Variants in IQCM observed in about 807,000 individuals in gnomAD.
The protein encoded by IQCM is IQ motif containing M.
Under a neutral mutation model 57.6 loss-of-function variants are expected in IQCM, and 45 were observed. The ratio of observed to expected loss-of-function variants is 0.78; its 90% CI spans 0.62 to 1.00. The LOEUF (loss-of-function observed/expected upper bound fraction) is 1.00, where lower values mean the gene tolerates loss of function less well. Ranked by LOEUF, IQCM falls within the 50% of genes least tolerant of loss-of-function variation. IQCM has a pLI of 0.00. For missense variants in IQCM, 468 were observed against 511.6 expected (o/e 0.91, Z 0.82); for synonymous variants, 148 against 158.9 (o/e 0.93, Z 0.51).
chr4:149,803,684 T>A (rs1181427660), intron 2 of IQCM, among the ~76,000 whole-genome samples: 1 of 152,024 alleles, frequency 6.6e-6, no homozygotes, highest in African/African-American at 2.4e-5. Context: ...TGGAGTTTTA[T>A]GTTTATCTGG....
At chr4:149,431,966 C>T (rs1048705580) in intron 13 of IQCM, among the ~76,000 whole-genome samples, 11 of 149,420 alleles carry the variant, frequency 7.4e-5, no homozygotes, top group South Asian at 6.3e-4. Context: ...TGTGTGTGTA[C>T]GTATATATGT....
intron 7 of IQCM, among the ~76,000 whole-genome samples, chr4:149,679,271 A>G (rs1341464784): frequency 6.6e-6 from 1 of 151,708 alleles, no homozygotes; most frequent in South Asian, 2.1e-4. Context: ...AAGTAAGCCA[A>G]GCACAGAAAG....
chr4:149,777,445 G>A (rs1253164072), intron 2 of IQCM, among the ~76,000 whole-genome samples: 1 of 152,016 alleles, frequency 6.6e-6, no homozygotes, highest in Non-Finnish European at 1.5e-5. Context: ...CTTTTATAAT[G>A]GATTTCTAAA....
intron 12 of IQCM, among the ~76,000 whole-genome samples, chr4:149,483,774 C>A (rs1243126288): frequency 2.0e-5 from 3 of 151,864 alleles, no homozygotes; most frequent in Non-Finnish European, 2.9e-5. Flanking sequence ...CTGTAAATAT[C>A]TACTAGTTCA....
chr4:149,490,593 A>G (rs1035416827), intron 12 of IQCM, among the ~76,000 whole-genome samples: 5 of 152,180 alleles, frequency 3.3e-5, no homozygotes, highest in African/African-American at 1.2e-4. Flanking sequence ...TCCATTATTC[A>G]GCTTTGACTG....
intron 9 of IQCM, 103 bp from the exon 10 acceptor site, chr4:149,563,993 T>C: frequency 5.7e-6 from 3 of 522,142 alleles, no homozygotes; most frequent in Non-Finnish European, 8.8e-6. Context: ...ATAGGAAATA[T>C]ATTATAACTT....
intron 9 of IQCM, among the ~76,000 whole-genome samples, chr4:149,575,965 G>C (rs1357498821): frequency 6.6e-6 from 1 of 151,752 alleles, no homozygotes; most frequent in Admixed American, 6.6e-5. Context: ...AAACAAAATA[G>C]AGACTTAAAA....
chr4:149,588,437 T>C (rs1421431303), intron 8 of IQCM, among the ~76,000 whole-genome samples: 2 of 151,996 alleles, frequency 1.3e-5, no homozygotes, highest in Admixed American at 1.3e-4. Flanking sequence ...GAAATTTGGC[T>C]CTCAAAAACC....
At chr4:149,534,815 C>T (rs955338647) in intron 12 of IQCM, among the ~76,000 whole-genome samples, 11 of 151,992 alleles carry the variant, frequency 7.2e-5, no homozygotes, top group Non-Finnish European at 1.3e-4. Flanking sequence ...CAAAATGAAA[C>T]TCTTATGGAC....
At chr4:149,379,743 G>T (rs927543608) in intron 13 of IQCM, among the ~76,000 whole-genome samples, 2 of 152,166 alleles carry the variant, frequency 1.3e-5, no homozygotes, top group East Asian at 3.9e-4. Context: ...AATGAGTTAA[G>T]ACTTTGGGGG....
intron 7 of IQCM, among the ~76,000 whole-genome samples, chr4:149,670,147 T>C: frequency 6.6e-6 from 1 of 152,188 alleles, no homozygotes; most frequent in East Asian, 1.9e-4. Context: ...TCCTCTTTTA[T>C]TTCGTTGAGC....
At chr4:149,486,109 A>G (rs1193585785) in intron 12 of IQCM, among the ~76,000 whole-genome samples, 1 of 150,948 alleles carries the variant, frequency 6.6e-6, no homozygotes, top group Non-Finnish European at 1.5e-5. Context: ...GTAGACTGAC[A>G]CAAGCATCCC....
At chr4:149,363,126 G>A (rs1729606703) in intron 13 of IQCM, among the ~76,000 whole-genome samples, 1 of 152,254 alleles carries the variant, frequency 6.6e-6, no homozygotes, top group African/African-American at 2.4e-5. Context: ...GTTGCTGAGA[G>A]CACAGAGCAT....
At chr4:149,545,681 T>C (rs554555640) in intron 12 of IQCM, among the ~76,000 whole-genome samples, 2 of 152,282 alleles carry the variant, frequency 1.3e-5, no homozygotes, top group African/African-American at 4.8e-5. Context: ...ACAATCCTAC[T>C]ACTGGGTATA....
intron 9 of IQCM, 104 bp from the exon 10 acceptor site, chr4:149,563,994 A>C: frequency 1.9e-6 from 1 of 526,526 alleles, no homozygotes; most frequent in Non-Finnish European, 2.9e-6. Context: ...TAGGAAATAT[A>C]TTATAACTTG....
chr4:149,788,810 A>G (rs1035104001), intron 2 of IQCM, among the ~76,000 whole-genome samples: 1 of 152,234 alleles, frequency 6.6e-6, no homozygotes, highest in Non-Finnish European at 1.5e-5. Flanking sequence ...AATACTATTC[A>G]CCTTAGAAAA....
Position 149,766,640 on chromosome 4 carries a change from C to T in IQCM, c.-48-23901G>A, listed in dbSNP as rs555045103. 3.3e-5 allele frequency among the ~76,000 whole-genome samples: 5 copies of T among 152,036 alleles called. No individual in the cohort carries two copies. The South Asian group carries it at 1.0e-3, about 31-fold the overall frequency. ...AGAAAATAAAGCCCATTTTATTGTC[C>T]CCACAGGTCGTATGGTCTTTTGTTA... On this transcript the variant is annotated intron_variant, in intron 2 of 13. Coordinates refer to ENST00000636793, the MANE Select transcript of IQCM (RefSeq NM_001363507.2).
At chr4:149,768,399 G>A (rs1026322192) in intron 2 of IQCM, among the ~76,000 whole-genome samples, 1 of 152,084 alleles carries the variant, frequency 6.6e-6, no homozygotes, top group African/African-American at 2.4e-5. Context: ...TTTCTATCCT[G>A]TCATTGGATT....
At chr4:149,381,634 A>T (rs540929570) in intron 13 of IQCM, among the ~76,000 whole-genome samples, 11 of 152,136 alleles carry the variant, frequency 7.2e-5, no homozygotes, top group African/African-American at 2.4e-4. Context: ...TCAACTTCTG[A>T]GTGCAGTTTT....
Sources: gnomAD v4.1 joint callset for allele counts (sites outside exome capture counted in the v4.1 genomes callset) on GRCh38, gnomAD v4.1.1 for gene constraint, MANE v1.5 for transcripts, NCBI Gene and HGNC (gene_info 2026-07-23, HGNC 2026-07-21) for gene names.